RPH3AL: variants seen among roughly 807,000 people sequenced by gnomAD.
RPH3AL encodes rab effector Noc2.
Under a neutral mutation model 43.1 loss-of-function variants are expected in RPH3AL, and 38 were observed. The observed-to-expected ratio is 0.88, with a 90% CI of 0.68 to 1.15. The LOEUF (loss-of-function observed/expected upper bound fraction) is 1.15, where lower values mean the gene tolerates loss of function less well. Ranked by LOEUF, RPH3AL falls within the 50% of genes most tolerant of loss-of-function variation. The pLI is 0.00. For missense variants in RPH3AL, 462 were observed against 423.2 expected, an observed-to-expected ratio of 1.09 and a Z score of -0.81; for synonymous variants, 189 against 176.3, an observed-to-expected ratio of 1.07 and a Z score of -0.57.
intron 2 of RPH3AL, chr17:331,488 C>A (rs992398266): frequency 1.5e-5 from 16 of 1,097,922 alleles, no homozygotes; most frequent in Non-Finnish European, 1.9e-5. Context: ...TGTGCACCCC[C>A]ACCCTGGCCG....
intron 5 of RPH3AL, among the ~76,000 whole-genome samples, chr17:318,633 G>A (rs1235356630): frequency 6.6e-6 from 1 of 152,044 alleles, no homozygotes; most frequent in Non-Finnish European, 1.5e-5. Context: ...TAATTAAGAT[G>A]CTAACTATCT....
At chr17:223,940 C>G (rs1183779145) in intron 7 of RPH3AL, among the ~76,000 whole-genome samples, 1 of 151,312 alleles carries the variant, frequency 6.6e-6, no homozygotes. Context: ...TCACCCCCAG[C>G]AGAGAGGCCA....
At chr17:277,586 A>C (rs1431800537) in intron 6 of RPH3AL, among the ~76,000 whole-genome samples, 1 of 152,240 alleles carries the variant, frequency 6.6e-6, no homozygotes, top group Non-Finnish European at 1.5e-5. Context: ...AGTACCCTTT[A>C]AAAGAGGGGG....
intron 3 of RPH3AL, among the ~76,000 whole-genome samples, chr17:321,933 G>A (rs191415188): frequency 6.6e-6 from 1 of 152,244 alleles, no homozygotes; most frequent in Non-Finnish European, 1.5e-5. Context: ...AGGAGCATGA[G>A]AGATTATCAA....
At chr17:331,488 C>T (rs992398266) in intron 2 of RPH3AL, 3 of 1,098,040 alleles carry the variant, frequency 2.7e-6, no homozygotes, top group East Asian at 1.2e-4. Context: ...TGTGCACCCC[C>T]ACCCTGGCCG....
chr17:311,214 C>T (rs1238158343), intron 5 of RPH3AL, among the ~76,000 whole-genome samples: 1 of 152,210 alleles, frequency 6.6e-6, no homozygotes, highest in Non-Finnish European at 1.5e-5. Context: ...GCCTTGGAGG[C>T]AGCTGGAGCA....
rs550113673 is a variant in RPH3AL at position 215,546 on chromosome 17, T to C, written c.876+108A>G. On this transcript the variant is annotated intron_variant, in intron 9 of 9. Coordinates refer to ENST00000331302, the MANE Select transcript of RPH3AL (RefSeq NM_006987.4). The surrounding 1 kb of genome is among the most constrained non-coding windows in gnomAD (Gnocchi z 4.1). ...CCCGCACAGTGCTTGGTAAACAACA[T>C]GCAGAATTGAAAACGTCACCGACCA... The C allele has an allele frequency of 1.1e-5, 11 of 1,036,418 alleles. No individual in the cohort carries two copies. The highest frequency in any genetic ancestry group is 3.5e-4 in the Middle Eastern group (1 of 2,848). 64.2% of individuals were successfully genotyped at this position (1,036,418 alleles called of 1,614,324 possible). A position where few individuals can be genotyped will look rare whatever the true frequency, so the allele number is the denominator to read the frequency against.
chr17:251,112 G>T (rs542456278), intron 6 of RPH3AL, among the ~76,000 whole-genome samples: 1 of 152,210 alleles, frequency 6.6e-6, no homozygotes, highest in African/African-American at 2.4e-5. Flanking sequence ...GGACTGCCAC[G>T]TCCAGACTAG....
chr17:313,057 G>A (rs968281753), intron 5 of RPH3AL, among the ~76,000 whole-genome samples: 10 of 152,194 alleles, frequency 6.6e-5, no homozygotes, highest in African/African-American at 1.2e-4. Context: ...GCTCAGGGTG[G>A]ACCAAGCGAC....
At chr17:303,255 G>C (rs567513038) in intron 5 of RPH3AL, among the ~76,000 whole-genome samples, 1 of 152,246 alleles carries the variant, frequency 6.6e-6, no homozygotes, top group South Asian at 2.1e-4. Flanking sequence ...GCCAGGAGTG[G>C]TGGCGCACAC....
At chr17:315,639 C>G (rs201394543) in intron 5 of RPH3AL, among the ~76,000 whole-genome samples, 1 of 149,876 alleles carries the variant, frequency 6.7e-6, no homozygotes, top group African/African-American at 2.5e-5. Context: ...CCTCCACTGA[C>G]CTGTAGTCCC....
chr17:337,112 C>A lies in RPH3AL; in HGVS notation c.-212-3178G>T, dbSNP rs7502551. Among the ~76,000 whole-genome samples the A allele has an allele frequency of 9.2e-5, 10 of 108,686 alleles. 1 individual carries two copies. The Admixed American group carries it at 1.2e-3, about 13-fold the overall frequency. 71.3% of individuals were successfully genotyped at this position (108,686 alleles called of 152,430 possible). A position where few individuals can be genotyped will look rare whatever the true frequency, so the allele number is the denominator to read the frequency against. ...TCACTGGAACTACGTACATCGGTTA[C>A]GCACCAATAATTTTTTTTTTTGAGA... On this transcript the variant is annotated intron_variant, in intron 1 of 9. Coordinates refer to ENST00000331302, the MANE Select transcript of RPH3AL (RefSeq NM_006987.4).
chr17:250,106 C>CT lies in RPH3AL; in HGVS notation c.439-2822dup, dbSNP rs2041857582. Among the ~76,000 whole-genome samples, 7 of 148,530 alleles carry CT rather than the reference C, an allele frequency of 4.7e-5. No homozygotes were observed. In the South Asian group the frequency reaches 1.5e-3, roughly 32 times the overall value. ...ACTGCGGGACCTCTCAGAGCCTTTA[C>CT]TAAGCTCCATCGCTGCGGGACCTCT... On this transcript the variant is annotated intron_variant, in intron 6 of 9. Transcript: ENST00000331302.
intron 6 of RPH3AL, among the ~76,000 whole-genome samples, chr17:259,874 C>T (rs551051171): frequency 1.3e-5 from 2 of 152,322 alleles, no homozygotes; most frequent in South Asian, 4.1e-4. Context: ...TTTTAATTAC[C>T]ATGATAACAA....
chr17:212,497 G>C lies in RPH3AL; in HGVS notation c.*1355C>G, dbSNP rs1198389488. The stretch of plus-strand genomic sequence containing the variant: ...TCTTCGATCAACACACTGGCTCGGT[G>C]CAAATTTTAATCTTCATTGTTTTAA... On this transcript the variant is annotated 3_prime_UTR_variant, in exon 10 of 10. Coordinates refer to ENST00000331302, the MANE Select transcript of RPH3AL (RefSeq NM_006987.4). 3 of 152,102 alleles carry C rather than the reference G, an allele frequency of 2.0e-5. No individual in the cohort carries two copies. Among genetic ancestry groups the C allele is most frequent in the Non-Finnish European group, 4.4e-5 (3 of 68,026 alleles). The allele number at this position is 152,102 out of a possible 1,614,324, so 9.4% of individuals were successfully genotyped here.
chr17:253,276 G>C (rs2041957402), intron 6 of RPH3AL, among the ~76,000 whole-genome samples: 1 of 152,168 alleles, frequency 6.6e-6, no homozygotes, highest in Non-Finnish European at 1.5e-5. Context: ...CTGTTTAACG[G>C]GGAGTGGCCA....
intron 6 of RPH3AL, among the ~76,000 whole-genome samples, chr17:269,171 C>T (rs112669084): frequency 0.065 from 9,862 of 152,136 alleles, 419 homozygotes; most frequent in Non-Finnish European, 0.09. Context: ...AGCCACCGTG[C>T]CTGGCCGATT....
At chr17:325,544 T>C (rs562316104) in intron 3 of RPH3AL, among the ~76,000 whole-genome samples, 25 of 152,222 alleles carry the variant, frequency 1.6e-4, no homozygotes, top group Admixed American at 1.5e-3. Flanking sequence ...CATCTAACAT[T>C]GGCCCATCTT....
chr17:222,079 C>T (rs12943724), intron 7 of RPH3AL, among the ~76,000 whole-genome samples: 26,679 of 151,888 alleles, frequency 0.18, 3,207 homozygotes, highest in Non-Finnish European at 0.25. Context: ...AGAACAACAG[C>T]TCTGAGGCCT....
Sources: gnomAD v4.1 joint callset for allele counts (sites outside exome capture counted in the v4.1 genomes callset) on GRCh38, gnomAD v4.1.1 for gene constraint, Gnocchi (gnomAD v3.1) non-coding constraint, MANE v1.5 for transcripts, NCBI Gene and HGNC (gene_info 2026-07-23, HGNC 2026-07-21) for gene names.